Variants in CNGB1 observed in about 807,000 individuals in gnomAD.
The protein encoded by CNGB1 is cyclic nucleotide gated channel subunit beta 1.
Under a neutral mutation model 151.7 loss-of-function variants are expected in CNGB1, and 126 were observed. The observed-to-expected ratio is 0.83, with a 90% confidence interval of 0.72 to 0.96. The LOEUF (loss-of-function observed/expected upper bound fraction) is 0.96, where lower values mean the gene tolerates loss of function less well. Among genes scored for constraint, CNGB1 ranks in the 40% least tolerant of loss-of-function variants. The probability of loss-of-function intolerance (pLI) is 0.00; values close to 1 mark genes in which losing one functional copy is unlikely to be tolerated. For synonymous variants in CNGB1, 623 were observed against 635.1 expected (o/e 0.98, Z 0.29); for missense variants, 1,698 against 1,627.0 (o/e 1.04, Z -0.75).
At chr16:57,921,116 CT>C (rs1301316920) in intron 18 of CNGB1, among the ~76,000 whole-genome samples, 1 of 143,004 alleles carries the variant, frequency 7.0e-6, no homozygotes, top group African/African-American at 2.6e-5. Context: ...AGCTGAATAT[CT>C]TTTTTATCTT....
intron 14 of CNGB1, among the ~76,000 whole-genome samples, chr16:57,948,392 T>C (rs1434494176): frequency 6.6e-6 from 1 of 151,396 alleles, no homozygotes; most frequent in East Asian, 2.0e-4. Context: ...TGGGTTCAAG[T>C]GATCCACCCA....
chr16:57,936,853 A>G (rs1229649105), intron 16 of CNGB1, among the ~76,000 whole-genome samples: 5 of 152,194 alleles, frequency 3.3e-5, no homozygotes, highest in African/African-American at 1.2e-4. Context: ...AGAGAAAAAA[A>G]TAAATGAATT....
chr16:57,960,977 C>T (rs1962240731), intron 7 of CNGB1, 62 bp from the exon 8 acceptor site: 1 of 1,492,798 alleles, frequency 6.7e-7, no homozygotes, highest in South Asian at 1.1e-5. Flanking sequence ...ACTAACAGCC[C>T]ACCTCGGGGC....
chr16:57,930,159 TG>T (rs1433978231), intron 17 of CNGB1, among the ~76,000 whole-genome samples: 4 of 152,078 alleles, frequency 2.6e-5, no homozygotes, highest in Non-Finnish European at 2.9e-5. Flanking sequence ...CTATTCACAA[TG>T]GCCAAGAGAT....
intron 29 of CNGB1, among the ~76,000 whole-genome samples, chr16:57,899,638 T>TCAAA (rs1338707481): frequency 2.0e-5 from 3 of 150,566 alleles, no homozygotes; most frequent in Non-Finnish European, 3.0e-5. Context: ...GGACTTGGTC[T>TCAAA]CAAATAAACA....
chr16:57,911,653 A>G, intron 25 of CNGB1, 100 bp downstream of exon 25: 4 of 1,534,708 alleles, frequency 2.6e-6, no homozygotes, highest in Non-Finnish European at 3.6e-6. Context: ...CCTTGGCAAT[A>G]CAGCAGCAAT....
At chr16:57,898,466 C>T (rs1053877760) in intron 29 of CNGB1, among the ~76,000 whole-genome samples, 3 of 152,128 alleles carry the variant, frequency 2.0e-5, no homozygotes, top group Non-Finnish European at 4.4e-5. Context: ...CAACCTCTGC[C>T]TCCTGGGTTC....
chr16:57,915,180 G>A (rs1426845678), intron 23 of CNGB1, 69 bp downstream of exon 23: 10 of 1,299,524 alleles, frequency 7.7e-6, no homozygotes, highest in East Asian at 2.3e-5. Context: ...GGGCAGACAC[G>A]AAGATGCCAG....
intron 10 of CNGB1, among the ~76,000 whole-genome samples, 192 bp from the exon 11 acceptor site, chr16:57,958,677 G>T (rs552103138): frequency 1.3e-5 from 2 of 152,040 alleles, no homozygotes; most frequent in East Asian, 3.9e-4. Context: ...TCTGGCTATT[G>T]TTCAGGCCCT....
chr16:57,955,890 T>G (rs530319053), intron 12 of CNGB1, among the ~76,000 whole-genome samples: 71 of 152,312 alleles, frequency 4.7e-4, no homozygotes, highest in South Asian at 1.7e-3. Flanking sequence ...ACCCTGGACT[T>G]CTGGCTCCTG....
At chr16:57,943,734 G>A (rs1961729696) in intron 14 of CNGB1, among the ~76,000 whole-genome samples, 1 of 152,076 alleles carries the variant, frequency 6.6e-6, no homozygotes, top group Non-Finnish European at 1.5e-5. Flanking sequence ...ACTGTTGGTG[G>A]GATTGTAAAT....
chr16:57,928,418 A>G (rs777483698), intron 17 of CNGB1, among the ~76,000 whole-genome samples: 23 of 152,246 alleles, frequency 1.5e-4, no homozygotes, highest in Non-Finnish European at 1.0e-4. Flanking sequence ...AACAGCCATC[A>G]TAAGTGAGCA....
intron 14 of CNGB1, among the ~76,000 whole-genome samples, chr16:57,948,981 G>T (rs1961876774): frequency 6.6e-6 from 1 of 152,194 alleles, no homozygotes; most frequent in South Asian, 2.1e-4. Flanking sequence ...AATAAAGGGA[G>T]AACTGGGAGC....
At chr16:57,931,668 C>G in intron 17 of CNGB1, 48 bp downstream of exon 17, 4 of 1,602,536 alleles carry the variant, frequency 2.5e-6, no homozygotes, top group Non-Finnish European at 3.4e-6. Flanking sequence ...GCCAAATAAA[C>G]AGGTGGCACA....
intron 18 of CNGB1, 97 bp downstream of exon 18, chr16:57,923,176 T>C (rs1961090714): frequency 6.7e-6 from 6 of 891,392 alleles, no homozygotes; most frequent in Non-Finnish European, 1.0e-5. Context: ...AAGTCTGCCT[T>C]GCGGTAGAAG....
At chr16:57,911,625 T>G (rs1041003408) in intron 25 of CNGB1, 128 bp downstream of exon 25, 2 of 1,317,748 alleles carry the variant, frequency 1.5e-6, no homozygotes, top group Non-Finnish European at 2.1e-6. Context: ...TGCCAGTGAT[T>G]GCTTAGGAGC....
chr16:57,931,681 G>A (rs752376872), intron 17 of CNGB1, 35 bp downstream of exon 17: 2 of 1,611,440 alleles, frequency 1.2e-6, no homozygotes, highest in Admixed American at 3.4e-5. Context: ...GTGGCACAGT[G>A]CCGAGAAAAG....
At position 57,882,431 on chromosome 16, in the gene CNGB1, C is replaced by CTGT. The variant is rs1478577031; in HGVS notation, c.*1730_*1732dup. ...GTGACAAGCCATCAACTAGACAAAT[C>CTGT]TGTTTCTGACTCTGGGGTTTGGAAA... is the stretch of plus-strand genomic sequence containing the variant. On this transcript the variant is annotated 3_prime_UTR_variant, in exon 33 of 33. Coordinates refer to ENST00000251102, the MANE Select transcript of CNGB1 (RefSeq NM_001297.5). 6.6e-6 allele frequency: 1 copy of CTGT among 151,974 alleles called. No homozygotes were observed. The highest frequency in any genetic ancestry group is 2.4e-5 in the African/African-American group (1 of 41,354). 9.4% of individuals were successfully genotyped at this position (151,974 alleles called of 1,614,324 possible).
At chr16:57,935,218 A>T (rs1290117917) in intron 16 of CNGB1, among the ~76,000 whole-genome samples, 1 of 152,162 alleles carries the variant, frequency 6.6e-6, no homozygotes, top group Non-Finnish European at 1.5e-5. Context: ...ATTAGAAAAC[A>T]GCAACACCAT....
Sources: allele counts gnomAD v4.1 joint callset (sites outside exome capture counted in the v4.1 genomes callset), GRCh38; gene constraint gnomAD v4.1.1; transcripts MANE v1.5; gene names NCBI Gene and HGNC (gene_info 2026-07-23, HGNC 2026-07-21).